The following SHISA9 variants were observed in gnomAD, a reference collection of about 807,000 sequenced individuals.
SHISA9 encodes protein shisa-9.
SHISA9 carries 13 observed loss-of-function variants against 38.0 expected under a neutral mutation model. The observed-to-expected ratio is 0.34, with a 90% CI of 0.22 to 0.54. SHISA9 has a LOEUF of 0.54. Ranked by LOEUF, SHISA9 falls within the 20% of genes least tolerant of loss-of-function variation. The probability of loss-of-function intolerance (pLI) is 0.91; values close to 1 mark genes in which losing one functional copy is unlikely to be tolerated. For synonymous variants in SHISA9, 275 were observed against 242.0 expected (o/e 1.14, Z -1.27); for missense variants, 538 against 575.8 (o/e 0.93, Z 0.67).
the SHISA9 span, among the ~76,000 whole-genome samples, chr16:13,330,599 T>C: frequency 2.6e-5 from 4 of 152,230 alleles, no homozygotes; most frequent in East Asian, 7.7e-4. Context: ...CTCTTTTATT[T>C]TGCTTTCCTC....
the SHISA9 span, among the ~76,000 whole-genome samples, chr16:13,318,482 C>A: frequency 2.0e-5 from 3 of 152,058 alleles, no homozygotes; most frequent in Non-Finnish European, 4.4e-5. Flanking sequence ...GTGTGCCACC[C>A]CTCCCATCTA....
chr16:13,394,950 T>A, the SHISA9 span, among the ~76,000 whole-genome samples: 2 of 150,826 alleles, frequency 1.3e-5, no homozygotes, highest in Non-Finnish European at 2.9e-5. Context: ...TGTGTGTGTG[T>A]GTGTGTGTGT....
At chr16:12,942,033 G>T (rs1324856987) in intron 2 of SHISA9, among the ~76,000 whole-genome samples, 1 of 152,004 alleles carries the variant, frequency 6.6e-6, no homozygotes, top group Non-Finnish European at 1.5e-5. Context: ...GGATTAATTT[G>T]TTGCTTGGGC....
At chr16:13,554,975 G>T in the SHISA9 span, among the ~76,000 whole-genome samples, 1 of 152,190 alleles carries the variant, frequency 6.6e-6, no homozygotes, top group African/African-American at 2.4e-5. Context: ...TCTCCTTGTG[G>T]AATATTCATT....
the SHISA9 span, among the ~76,000 whole-genome samples, chr16:13,396,288 C>G: frequency 1.3e-5 from 2 of 152,212 alleles, no homozygotes; most frequent in East Asian, 1.9e-4. Flanking sequence ...CGGCGGATCA[C>G]TTGAGGTCAG....
At chr16:13,382,100 A>C in the SHISA9 span, among the ~76,000 whole-genome samples, 1 of 152,218 alleles carries the variant, frequency 6.6e-6, no homozygotes, top group Non-Finnish European at 1.5e-5. Context: ...AAATTTTGGA[A>C]GTGTATTGAT....
In SHISA9 at chr16:13,233,492, T is replaced by C. The variant is rs1448453043; in HGVS notation, c.896-1538T>C. On this transcript the variant is annotated intron_variant, in intron 4 of 4. Coordinates refer to ENST00000558583, the MANE Select transcript of SHISA9 (RefSeq NM_001145204.3). ...TCCAAATCAAAGGTCAGCAAACTTT[T>C]TAAAGAAGGACTGGGTAGTAAATAT... 2.0e-5 allele frequency among the ~76,000 whole-genome samples: 3 copies of C among 152,350 alleles called. No homozygotes were observed. In the East Asian group the frequency reaches 5.8e-4, roughly 29 times the overall value.
At chr16:13,253,560 C>A in the SHISA9 span, among the ~76,000 whole-genome samples, 1 of 152,142 alleles carries the variant, frequency 6.6e-6, no homozygotes, top group East Asian at 1.9e-4. Flanking sequence ...TTGTGGCAGG[C>A]AAGAGAGCTT....
At chr16:12,916,446 T>C (rs1381391000) in intron 1 of SHISA9, among the ~76,000 whole-genome samples, 2 of 152,196 alleles carry the variant, frequency 1.3e-5, no homozygotes, top group African/African-American at 4.8e-5. Context: ...GTGGGGTAGA[T>C]AGTCCTGTTA....
At chr16:13,081,392 C>T (rs1384937232) in intron 2 of SHISA9, among the ~76,000 whole-genome samples, 4 of 152,072 alleles carry the variant, frequency 2.6e-5, no homozygotes, top group African/African-American at 7.2e-5. Flanking sequence ...AAGGGTCAGG[C>T]GAGGCTGACA....
At chr16:13,296,127 T>G in the SHISA9 span, among the ~76,000 whole-genome samples, 1 of 152,180 alleles carries the variant, frequency 6.6e-6, no homozygotes, top group Non-Finnish European at 1.5e-5. Context: ...TGATAACAGA[T>G]AGATCTTTTT....
At chr16:13,285,462 GTTTTTTTTT>G in the SHISA9 span, among the ~76,000 whole-genome samples, 1 of 95,788 alleles carries the variant, frequency 1.0e-5, no homozygotes, top group East Asian at 3.4e-4. Context: ...TTCAGGTGTA[GTTTTTTTTT>G]TTTTTTTTTT....
At chr16:13,439,181 C>T in the SHISA9 span, among the ~76,000 whole-genome samples, 1 of 152,152 alleles carries the variant, frequency 6.6e-6, no homozygotes, top group Non-Finnish European at 1.5e-5. Context: ...CTCTTTTCCC[C>T]TAGACTGATA....
chr16:13,404,820 C>T, the SHISA9 span, among the ~76,000 whole-genome samples: 1 of 152,146 alleles, frequency 6.6e-6, no homozygotes, highest in Non-Finnish European at 1.5e-5. Context: ...GACATGTGAT[C>T]CAGCAATGGA....
At chr16:13,216,764 C>T (rs550417091) in intron 4 of SHISA9, among the ~76,000 whole-genome samples, 4 of 152,198 alleles carry the variant, frequency 2.6e-5, no homozygotes, top group Non-Finnish European at 5.9e-5. Context: ...AAGTTTCTTA[C>T]TGCCACCTGC....
At chr16:13,401,328 G>A in the SHISA9 span, among the ~76,000 whole-genome samples, 1 of 152,170 alleles carries the variant, frequency 6.6e-6, no homozygotes, top group Admixed American at 6.5e-5. Flanking sequence ...CACTGGAGGA[G>A]CCAGGATTTA....
the SHISA9 span, among the ~76,000 whole-genome samples, chr16:13,429,673 G>A: frequency 1.9e-4 from 29 of 152,190 alleles, no homozygotes; most frequent in South Asian, 6.2e-4. Flanking sequence ...AGGAATTTGG[G>A]GGTTACATAA....
the SHISA9 span, among the ~76,000 whole-genome samples, chr16:13,362,814 A>G: frequency 6.6e-6 from 1 of 152,124 alleles, no homozygotes; most frequent in Non-Finnish European, 1.5e-5. Flanking sequence ...ATACAGAGCC[A>G]TTTAGCTTTC....
At chr16:13,029,443 AAAAAAATAC>A (rs1186293873) in intron 2 of SHISA9, among the ~76,000 whole-genome samples, 15 of 152,166 alleles carry the variant, frequency 9.9e-5, no homozygotes, top group Non-Finnish European at 1.3e-4. Flanking sequence ...TCGTCTCTAC[AAAAAAATAC>A]AAAAAATTAA....
Sources: allele counts gnomAD v4.1 joint callset (sites outside exome capture counted in the v4.1 genomes callset), GRCh38; gene constraint gnomAD v4.1.1; transcripts MANE v1.5; gene names NCBI Gene and HGNC (gene_info 2026-07-23, HGNC 2026-07-21).